The following TMEM43 variants were observed in gnomAD, a reference collection of about 807,000 sequenced individuals.
The protein encoded by TMEM43 is transmembrane protein 43.
Under a neutral mutation model 49.6 loss-of-function variants are expected in TMEM43, and 45 were observed. The ratio of observed to expected loss-of-function variants is 0.91; its 90% confidence interval spans 0.71 to 1.16. The LOEUF (loss-of-function observed/expected upper bound fraction) is 1.16, where lower values mean the gene tolerates loss of function less well. Ranked by LOEUF, TMEM43 falls within the 50% of genes most tolerant of loss-of-function variation. The pLI is 0.00. For synonymous variants in TMEM43, 199 were observed against 207.8 expected (o/e 0.96, Z 0.36); for missense variants, 532 against 516.6 (o/e 1.03, Z -0.29).
chr3:14,132,058 C>G (rs1574937863), intron 4 of TMEM43, among the ~76,000 whole-genome samples: 1 of 145,130 alleles, frequency 6.9e-6, no homozygotes, highest in South Asian at 2.3e-4. Flanking sequence ...GCTCTACTTA[C>G]AGCTTATCGT....
chr3:14,133,654 GACCCT>G, intron 6 of TMEM43, 80 bp from the exon 7 acceptor site: 1 of 1,301,990 alleles, frequency 7.7e-7, no homozygotes, highest in Non-Finnish European at 1.1e-6. Context: ...CCCGGGTGGG[GACCCT>G]GCCCAGCACA....
rs758817244 is a variant in TMEM43, at chr3:14,135,171, G to C, written c.719G>C (p.Arg240Pro). The change falls in exon 9 of 12, where the codon CGT (arginine) becomes CCT (proline). Residue 240 changes from arginine to proline, a missense_variant. Physicochemically the swap from Arg to Pro is moderately radical, Grantham distance 103. Transcript: ENST00000306077. ...TTCCACCCCCAGGTGGGAGACTTGC[G>C]TGTCTCCTTTTCCTATGCTGGACTG... ...NPKYPEVGDL[R>P]VSFSYAGLSG... 2 of 1,612,342 alleles carry C rather than the reference G, an allele frequency of 1.2e-6. No individual in the cohort carries two copies. Among genetic ancestry groups the C allele is most frequent in the Non-Finnish European group, 1.7e-6 (2 of 1,179,860 alleles).
chr3:14,125,631 G>C lies in TMEM43; in HGVS notation c.12+426G>C, dbSNP rs374353034. Among the ~76,000 whole-genome samples the C allele has an allele frequency of 2.0e-3, 305 of 152,294 alleles. 2 individuals are homozygous for C. The highest frequency in any genetic ancestry group is 6.6e-3 in the African/African-American group (273 of 41,566). On this transcript the variant is annotated intron_variant, in intron 1 of 11. Transcript: ENST00000306077. ...AGGAAGGCGATCCAGCCCAAGTGGA[G>C]CTGTCCAGCAATGGACAGACAGGGC...
At chr3:14,134,704 C>T in intron 7 of TMEM43, 66 bp from the exon 8 acceptor site, 2 of 1,610,748 alleles carry the variant, frequency 1.2e-6, no homozygotes, top group Admixed American at 1.7e-5. Flanking sequence ...GGGGTCAGGC[C>T]AGGGACTTTG....
intron 9 of TMEM43, 123 bp from the exon 10 acceptor site, chr3:14,135,684 G>T (rs1226379542): frequency 7.6e-5 from 55 of 723,366 alleles, no homozygotes; most frequent in Non-Finnish European, 1.2e-4. Flanking sequence ...AGAGAGAGAA[G>T]CCCCAGGGTT....
In TMEM43 at chr3:14,134,865, C is replaced by G. The variant is rs201460674; in HGVS notation, c.679C>G (p.His227Asp). The change falls in exon 8 of 12, where the codon CAC (histidine) becomes GAC (aspartate). Residue 227 changes from histidine (H) to aspartate (D), a missense_variant. Coordinates refer to ENST00000306077, the MANE Select transcript of TMEM43 (RefSeq NM_024334.3). ...DIIRRGDFFY[H>D]SENPKYPEVG... Reference sequence around the variant, plus strand: ...CATTCGCCGTGGAGACTTTTTCTACCACAGCGAAAATCCCAAGTATCCAGA... The same window carrying G: ...CATTCGCCGTGGAGACTTTTTCTACGACAGCGAAAATCCCAAGTATCCAGA... 90 of 1,614,064 alleles carry G rather than the reference C, an allele frequency of 5.6e-5. No homozygotes were observed. Among genetic ancestry groups the G allele is most frequent in the Non-Finnish European group, 7.5e-5 (89 of 1,180,030 alleles).
chr3:14,139,332 G>A, intron 11 of TMEM43, 35 bp downstream of exon 11: 1 of 1,476,594 alleles, frequency 6.8e-7, no homozygotes, highest in Non-Finnish European at 9.5e-7. Flanking sequence ...CCTCCCTCCT[G>A]CACCCTGAAA....
In TMEM43 at chr3:14,141,587, C is replaced by T. The variant is rs2124997132; in HGVS notation, c.1001-6C>T. The T allele has an allele frequency of 6.2e-7, 1 of 1,614,078 alleles. No homozygotes were observed. The highest frequency in any genetic ancestry group is 1.7e-5 in the Admixed American group (1 of 60,022). ...TGGCACCTCATCACCTTTCTCCTTT[C>T]CACAGTGGACTGGTTTCCTGTTTTC... On this transcript the variant is annotated splice_polypyrimidine_tract_variant and splice_region_variant and intron_variant, in intron 11 of 11. Transcript: ENST00000306077.
In TMEM43 at chr3:14,141,825, G is replaced by T; in HGVS notation, c.*30G>T. On this transcript the variant is annotated 3_prime_UTR_variant, in exon 12 of 12. Transcript: ENST00000306077. The stretch of plus-strand genomic sequence containing the variant: ...ACCCTGGCACCCGCCCGACACCTGC[G>T]TGAGCCCTAGGATCCAGGTCCTCTC... 2 of 1,598,440 alleles carry T rather than the reference G, an allele frequency of 1.3e-6. No homozygotes were observed. The highest frequency in any genetic ancestry group is 1.7e-6 in the Non-Finnish European group (2 of 1,174,438).
intron 1 of TMEM43, among the ~76,000 whole-genome samples, chr3:14,126,917 C>G (rs1385079206): frequency 6.6e-6 from 1 of 152,168 alleles, no homozygotes; most frequent in Non-Finnish European, 1.5e-5. Flanking sequence ...CCCCTCTCCA[C>G]TTTATAAGTG....
At chr3:14,135,049 G>A in intron 8 of TMEM43, 109 bp from the exon 9 acceptor site, 7 of 1,480,222 alleles carry the variant, frequency 4.7e-6, no homozygotes, top group Non-Finnish European at 6.5e-6. Context: ...GCCTGGGCAC[G>A]GGTGTGGAGG....
chr3:14,139,573 C>T (rs148444950), intron 11 of TMEM43, among the ~76,000 whole-genome samples: 125 of 152,330 alleles, frequency 8.2e-4, no homozygotes, highest in African/African-American at 2.6e-3. Context: ...TCTGCTGGCT[C>T]GATCATTTGC....
chr3:14,135,907 A>G lies in TMEM43; in HGVS notation c.881A>G (p.Glu294Gly). 6.2e-7 allele frequency: 1 copy of G among 1,613,546 alleles called. No homozygotes were observed. The highest frequency in any genetic ancestry group is 1.1e-5 in the South Asian group (1 of 91,070). Residue 294 changes from glutamate (E) to glycine (G), a missense_variant and splice_region_variant, in exon 10 of 12, where the codon GAG (glutamate) becomes GGG (glycine). By Grantham distance (98) the Glu-to-Gly change is moderately conservative (BLOSUM62 -2). Transcript: ENST00000306077. ...LLLHHGDFSA[E>G]EVFHRELRSN... ...CTGCACCACGGGGACTTCTCAGCAG[A>G]GGTGAGTGCTGTGCCCTACTCGTAC...
In TMEM43 at chr3:14,133,740, G is replaced by A; in HGVS notation, c.514G>A (p.Ala172Thr). 6.2e-7 allele frequency: 1 copy of A among 1,614,158 alleles called. No individual in the cohort carries two copies. Among genetic ancestry groups the A allele is most frequent in the Non-Finnish European group, 8.5e-7 (1 of 1,179,990 alleles). Residue 172 changes from alanine (A) to threonine (T), a missense_variant and splice_region_variant, in exon 7 of 12, where the codon GCC (alanine) becomes ACC (threonine). By Grantham distance (58) the Ala-to-Thr change is moderately conservative. Coordinates refer to ENST00000306077, the MANE Select transcript of TMEM43 (RefSeq NM_024334.3). The stretch of plus-strand genomic sequence containing the variant: ...CTGACAGCTTCCTCTCTCCCACAGT[G>A]CCATGGCAGTGGAGTCATTCATGGC... ...DREIGHKNPS[A>T]MAVESFMATA...
chr3:14,139,302 G>T lies in TMEM43; in HGVS notation c.1000+5G>T, dbSNP rs376589026. The T allele has an allele frequency of 1.9e-5, 31 of 1,604,690 alleles. No individual in the cohort carries two copies. Among genetic ancestry groups the T allele is most frequent in the Non-Finnish European group, 2.5e-5 (29 of 1,171,528 alleles). On this transcript the variant is annotated splice_donor_5th_base_variant and intron_variant, in intron 11 of 11. Coordinates refer to ENST00000306077, the MANE Select transcript of TMEM43 (RefSeq NM_024334.3). ...CACGGATCCTCTACACCTTGGGTAG[G>T]TGTTGGGGTGGGTCACTGCCCTCCC...
At chr3:14,135,297 C>T (rs1695153912) in intron 9 of TMEM43, 65 bp downstream of exon 9, 7 of 1,389,780 alleles carry the variant, frequency 5.0e-6, no homozygotes, top group South Asian at 2.3e-5. Flanking sequence ...ACACAGACAC[C>T]TTGGTCAATG....
At chr3:14,131,988 G>A (rs780921709) in intron 4 of TMEM43, among the ~76,000 whole-genome samples, 13 of 152,066 alleles carry the variant, frequency 8.5e-5, no homozygotes, top group East Asian at 1.9e-4. Context: ...TGTCAACCCC[G>A]AGACCCCACT....
chr3:14,136,427 AC>A (rs1695170992), intron 10 of TMEM43, among the ~76,000 whole-genome samples: 1 of 152,216 alleles, frequency 6.6e-6, no homozygotes, highest in South Asian at 2.1e-4. Context: ...AGTGAGAGTG[AC>A]AGAAACTCGT....
At chr3:14,132,488 G>A (rs1467980184) in intron 4 of TMEM43, 58 bp from the exon 5 acceptor site, 1 of 1,600,050 alleles carries the variant, frequency 6.2e-7, no homozygotes, top group Non-Finnish European at 8.6e-7. Flanking sequence ...GATGCTTAGA[G>A]ATTAGACTGC....
Sources: allele counts gnomAD v4.1 joint callset (sites outside exome capture counted in the v4.1 genomes callset), GRCh38; gene constraint gnomAD v4.1.1; transcripts MANE v1.5; gene names NCBI Gene and HGNC (gene_info 2026-07-23, HGNC 2026-07-21).